Variants in SCN8A observed in about 807,000 individuals in gnomAD.
SCN8A encodes the protein sodium channel protein type 8 subunit alpha.
Under a neutral mutation model 184.1 loss-of-function variants are expected in SCN8A, and 30 were observed. The ratio of observed to expected loss-of-function variants is 0.16; its 90% CI spans 0.12 to 0.22. The LOEUF is 0.22. SCN8A is among the 10% of genes least tolerant of loss of function. SCN8A has a pLI of 1.00. For synonymous variants in SCN8A, 852 were observed against 907.0 expected (o/e 0.94, Z 1.09); for missense variants, 1,057 against 2,498.9 (o/e 0.42, Z 12.30).
At chr12:51,636,507 G>T (rs1940321478) in intron 1 of SCN8A, among the ~76,000 whole-genome samples, 1 of 152,126 alleles carries the variant, frequency 6.6e-6, no homozygotes, top group Non-Finnish European at 1.5e-5. Flanking sequence ...TTATTGCAGA[G>T]ATCCTAAACT....
intron 1 of SCN8A, among the ~76,000 whole-genome samples, chr12:51,650,065 A>G (rs557732861): frequency 4.6e-5 from 7 of 152,272 alleles, no homozygotes; most frequent in African/African-American, 1.4e-4. Context: ...ACAGATCTCT[A>G]GGGCAAGGGT....
chr12:51,659,973 G>C (rs186027717), intron 1 of SCN8A, among the ~76,000 whole-genome samples: 2 of 152,284 alleles, frequency 1.3e-5, no homozygotes, highest in East Asian at 3.9e-4. Flanking sequence ...TGGGACTCAG[G>C]AGAACAATCA....
In SCN8A at chr12:51,809,516, GCTTCT is replaced by G. The variant is rs1565936125; in HGVS notation, c.*2088_*2092del. On this transcript the variant is annotated 3_prime_UTR_variant, in exon 27 of 27. Coordinates refer to ENST00000627620, the MANE Select transcript of SCN8A (RefSeq NM_001330260.2). The stretch of plus-strand genomic sequence containing the variant: ...GAAACTGTCCAGCTCTCTTAAGCCT[GCTTCT>G]GCAGCAGCATCCGTAGAATTTTTGT... The G allele has an allele frequency of 6.6e-6, 1 of 152,216 alleles. No individual in the cohort carries two copies. The highest frequency in any genetic ancestry group is 1.5e-5 in the Non-Finnish European group (1 of 68,034). The allele number at this position is 152,216 out of a possible 1,614,324, so 9.4% of individuals were successfully genotyped here.
intron 1 of SCN8A, among the ~76,000 whole-genome samples, chr12:51,624,201 G>T (rs950554649): frequency 0.017 from 2,551 of 152,004 alleles, 73 homozygotes; most frequent in African/African-American, 0.056. Flanking sequence ...ACTTCCACAA[G>T]GGTTGAACTA....
intron 1 of SCN8A, among the ~76,000 whole-genome samples, chr12:51,632,864 C>T (rs1940227109): frequency 6.6e-6 from 1 of 152,090 alleles, no homozygotes; most frequent in Non-Finnish European, 1.5e-5. Flanking sequence ...AGGAAGTCTG[C>T]CTTCCATGAC....
chr12:51,709,492 G>T (rs1941838458), intron 11 of SCN8A, among the ~76,000 whole-genome samples: 1 of 152,204 alleles, frequency 6.6e-6, no homozygotes, highest in Non-Finnish European at 1.5e-5. Flanking sequence ...GTTGGAGAAG[G>T]CAGGGCCATG....
At chr12:51,591,546 C>T (rs1209424840) in intron 1 of SCN8A, among the ~76,000 whole-genome samples, 187 bp downstream of exon 1, 1 of 152,150 alleles carries the variant, frequency 6.6e-6, no homozygotes, top group Non-Finnish European at 1.5e-5. Flanking sequence ...GTGTTTGGAA[C>T]TCTTGCTTCC....
intron 12 of SCN8A, among the ~76,000 whole-genome samples, chr12:51,739,798 C>A (rs776439956): frequency 1.3e-5 from 2 of 152,128 alleles, no homozygotes; most frequent in South Asian, 4.1e-4. Flanking sequence ...AACCCAGTGG[C>A]GCTAGAGGAA....
intron 1 of SCN8A, among the ~76,000 whole-genome samples, chr12:51,618,365 GA>G (rs752759418): frequency 2.0e-5 from 3 of 151,890 alleles, no homozygotes; most frequent in East Asian, 3.9e-4. Flanking sequence ...ACCAGAAATG[GA>G]GGTCTTCTCC....
chr12:51,776,379 G>T (rs1161038332), intron 20 of SCN8A, among the ~76,000 whole-genome samples: 1 of 152,208 alleles, frequency 6.6e-6, no homozygotes, highest in Non-Finnish European at 1.5e-5. Flanking sequence ...TCTAGCTTTT[G>T]GGGGTTGCTT....
rs189721017 is a variant in SCN8A, at chr12:51,663,821, C to T, written c.276+728C>T. Among the ~76,000 whole-genome samples, 479 of 151,566 alleles carry T rather than the reference C, an allele frequency of 3.2e-3. 6 individuals are homozygous for T. Among genetic ancestry groups the T allele is most frequent in the African/African-American group, 0.011 (453 of 41,430 alleles). ...AAGGCACCAAGTAGAGAAACAAAGC[C>T]TCCTGGGTGATCCACCAGCTAAATA... On this transcript the variant is annotated intron_variant, in intron 2 of 26. Transcript: ENST00000627620.
At chr12:51,679,926 A>G (rs570565044) in intron 2 of SCN8A, among the ~76,000 whole-genome samples, 22 of 152,066 alleles carry the variant, frequency 1.4e-4, no homozygotes, top group Admixed American at 3.3e-4. Flanking sequence ...GGGTTTTACC[A>G]TATTGGTCAG....
Position 51,706,635 on chromosome 12 carries a change from G to A in SCN8A, c.1555G>A (p.Glu519Lys), listed in dbSNP as rs1384673865. 4 of 1,607,928 alleles carry A rather than the reference G, an allele frequency of 2.5e-6. No individual in the cohort carries two copies. Among genetic ancestry groups the A allele is most frequent in the Non-Finnish European group, 3.4e-6 (4 of 1,177,216 alleles). Residue 519 changes from glutamate to lysine, a missense_variant, in exon 11 of 27, where the codon GAG becomes AAG. Coordinates refer to ENST00000627620, the MANE Select transcript of SCN8A (RefSeq NM_001330260.2). ...GGATCCCGAGAAGGTGTTTAAGTCA[G>A]AGTCAGAAGATGGCATGAGAAGGAA... The part of the protein sequence containing the change: ...KGDPEKVFKS[E>K]SEDGMRRKAF...
intron 1 of SCN8A, among the ~76,000 whole-genome samples, chr12:51,638,969 G>A (rs1157674819): frequency 2.0e-5 from 3 of 152,096 alleles, no homozygotes; most frequent in Non-Finnish European, 4.4e-5. Flanking sequence ...TTTTATGGAT[G>A]AGCAAAGAAA....
At chr12:51,757,708 G>T (rs1316055651) in intron 14 of SCN8A, among the ~76,000 whole-genome samples, 2 of 152,162 alleles carry the variant, frequency 1.3e-5, no homozygotes, top group African/African-American at 4.8e-5. Flanking sequence ...GATTACTTGA[G>T]CCTAGAATTT....
At chr12:51,744,297 C>T (rs1942473721) in intron 12 of SCN8A, among the ~76,000 whole-genome samples, 1 of 152,136 alleles carries the variant, frequency 6.6e-6, no homozygotes, top group South Asian at 2.1e-4. Context: ...AGCAGACTCT[C>T]AAAAAGCAAA....
chr12:51,779,625 A>G (rs1467272011), intron 20 of SCN8A, among the ~76,000 whole-genome samples: 1 of 152,202 alleles, frequency 6.6e-6, no homozygotes, highest in Non-Finnish European at 1.5e-5. Context: ...GAGGTCTTTA[A>G]TCTTGGCTGC....
chr12:51,692,940 C>T (rs1941535906), intron 6 of SCN8A, among the ~76,000 whole-genome samples: 1 of 152,242 alleles, frequency 6.6e-6, no homozygotes. Flanking sequence ...TGCTTATCTG[C>T]TGCTCATTAG....
chr12:51,684,665 T>C (rs1941391184), intron 3 of SCN8A, among the ~76,000 whole-genome samples: 1 of 152,228 alleles, frequency 6.6e-6, no homozygotes, highest in Non-Finnish European at 1.5e-5. Context: ...AAAGTCCTTC[T>C]TGAGTTACAA....
Sources: allele counts gnomAD v4.1 joint callset (sites outside exome capture counted in the v4.1 genomes callset), GRCh38; gene constraint gnomAD v4.1.1; transcripts MANE v1.5; gene names NCBI Gene and HGNC (gene_info 2026-07-23, HGNC 2026-07-21).